ST6GALNAC5: variants seen among roughly 807,000 people sequenced by gnomAD.
ST6GALNAC5 encodes ST6 N-acetylgalactosaminide alpha-2,6-sialyltransferase 5, also known as alpha-N-acetylgalactosaminide alpha-2,6-sialyltransferase 5.
A neutral mutation model predicts 33.6 loss-of-function variants in ST6GALNAC5; 27 were observed. That is an observed-to-expected ratio of 0.80 (90% CI 0.59 to 1.11). The LOEUF (loss-of-function observed/expected upper bound fraction) is 1.11. Among genes scored for constraint, ST6GALNAC5 ranks in the 50% least tolerant of loss-of-function variants. ST6GALNAC5 has a pLI of 0.00. For synonymous variants in ST6GALNAC5, 194 were observed against 171.2 expected (o/e 1.13, Z -1.04); for missense variants, 428 against 454.0 (o/e 0.94, Z 0.52).
intron 2 of ST6GALNAC5, among the ~76,000 whole-genome samples, chr1:76,929,148 A>C (rs574655087): frequency 6.6e-6 from 1 of 152,218 alleles, no homozygotes; most frequent in African/African-American, 2.4e-5. Flanking sequence ...TCATGAAATA[A>C]TTCATTAGTC....
At chr1:76,956,278 A>G (rs1647973336) in intron 2 of ST6GALNAC5, among the ~76,000 whole-genome samples, 1 of 140,674 alleles carries the variant, frequency 7.1e-6, no homozygotes, top group East Asian at 2.0e-4. Flanking sequence ...CAAGATCCAG[A>G]AAAAAAAAAA....
chr1:76,973,944 C>T (rs1379075973), intron 2 of ST6GALNAC5, among the ~76,000 whole-genome samples: 12 of 152,022 alleles, frequency 7.9e-5, no homozygotes, highest in Non-Finnish European at 1.5e-4. Context: ...AACCAGACTG[C>T]TTTAATTATT....
At chr1:76,906,233 G>A (rs1002522396) in intron 2 of ST6GALNAC5, among the ~76,000 whole-genome samples, 7 of 152,116 alleles carry the variant, frequency 4.6e-5, no homozygotes, top group Admixed American at 1.3e-4. Flanking sequence ...CTTTCGAGAT[G>A]GAGAATATGA....
intron 2 of ST6GALNAC5, among the ~76,000 whole-genome samples, chr1:76,928,362 T>C (rs1230264968): frequency 6.6e-6 from 1 of 152,160 alleles, no homozygotes. Context: ...AATTGTGCTT[T>C]TGGAAGTGTG....
intron 2 of ST6GALNAC5, among the ~76,000 whole-genome samples, chr1:76,982,964 G>A (rs1166706267): frequency 6.6e-6 from 1 of 152,046 alleles, no homozygotes; most frequent in Non-Finnish European, 1.5e-5. Flanking sequence ...CAAATGCTGA[G>A]AGATTTTGTC....
At chr1:76,957,972 A>G (rs949318669) in intron 2 of ST6GALNAC5, among the ~76,000 whole-genome samples, 3 of 152,116 alleles carry the variant, frequency 2.0e-5, no homozygotes, top group African/African-American at 7.2e-5. Flanking sequence ...ATATTTTTGA[A>G]GAGTCCAAGC....
intron 2 of ST6GALNAC5, among the ~76,000 whole-genome samples, chr1:76,898,644 G>A (rs963457438): frequency 6.6e-6 from 1 of 152,098 alleles, no homozygotes; most frequent in African/African-American, 2.4e-5. Flanking sequence ...TGATTTGGGA[G>A]AGGTCAGATA....
chr1:77,008,770 T>A (rs926250098), intron 2 of ST6GALNAC5, among the ~76,000 whole-genome samples: 3 of 152,128 alleles, frequency 2.0e-5, no homozygotes, highest in African/African-American at 7.2e-5. Flanking sequence ...CCTCAGATGA[T>A]CCACCCGCCT....
chr1:76,992,684 T>A (rs1403214034), intron 2 of ST6GALNAC5, among the ~76,000 whole-genome samples: 3 of 152,044 alleles, frequency 2.0e-5, no homozygotes, highest in Non-Finnish European at 4.4e-5. Context: ...TTTGTAGAGA[T>A]GAATTTTCAC....
rs752127454 is a variant in ST6GALNAC5 at position 77,063,229 on chromosome 1, A to G, written c.*23A>G. ...TAAGGAATGAGCATGCCAGACTGTA[A>G]TCCCAGGTATTCACTGCATCAGACA... On this transcript the variant is annotated 3_prime_UTR_variant, in exon 5 of 5. Coordinates refer to ENST00000477717, the MANE Select transcript of ST6GALNAC5 (RefSeq NM_030965.3). 1 of 1,603,662 alleles carries G rather than the reference A, an allele frequency of 6.2e-7. No individual in the cohort carries two copies. Among genetic ancestry groups the G allele is most frequent in the Admixed American group, 1.7e-5 (1 of 59,910 alleles).
At chr1:76,907,368 A>G (rs1296668369) in intron 2 of ST6GALNAC5, among the ~76,000 whole-genome samples, 3 of 152,110 alleles carry the variant, frequency 2.0e-5, no homozygotes, top group Admixed American at 6.6e-5. Context: ...GCTTGGTGGC[A>G]GCAAGGGACA....
At chr1:76,906,836 A>G (rs1375752106) in intron 2 of ST6GALNAC5, among the ~76,000 whole-genome samples, 1 of 152,156 alleles carries the variant, frequency 6.6e-6, no homozygotes, top group Non-Finnish European at 1.5e-5. Context: ...TTATTTCAAC[A>G]TATTCAAAAT....
intron 4 of ST6GALNAC5, among the ~76,000 whole-genome samples, chr1:77,055,542 C>G (rs1426514559): frequency 6.6e-6 from 1 of 152,190 alleles, no homozygotes; most frequent in African/African-American, 2.4e-5. Flanking sequence ...AGACATGAAA[C>G]AGCTGCCCAT....
chr1:76,943,317 C>T (rs542773602), intron 2 of ST6GALNAC5, among the ~76,000 whole-genome samples: 3 of 152,068 alleles, frequency 2.0e-5, no homozygotes, highest in East Asian at 3.9e-4. Flanking sequence ...CAGTCTTTAC[C>T]ATTATGCTAG....
At chr1:77,010,826 A>G (rs1650607798) in intron 2 of ST6GALNAC5, among the ~76,000 whole-genome samples, 1 of 152,248 alleles carries the variant, frequency 6.6e-6, no homozygotes, top group Admixed American at 6.5e-5. Flanking sequence ...GACTATTTCT[A>G]AAAGCAGCTG....
intron 3 of ST6GALNAC5, among the ~76,000 whole-genome samples, chr1:77,048,321 AAGCTGTAAGTG>A (rs1398301749): frequency 6.6e-6 from 1 of 152,184 alleles, no homozygotes; most frequent in Admixed American, 6.5e-5. Context: ...TAGGCTCCTG[AAGCTGTAAGTG>A]AGCTGTCATC....
chr1:76,959,675 C>A (rs889509041), intron 2 of ST6GALNAC5, among the ~76,000 whole-genome samples: 2 of 152,178 alleles, frequency 1.3e-5, no homozygotes, highest in Non-Finnish European at 2.9e-5. Flanking sequence ...CAGAGTTTGT[C>A]AAGGACCAAC....
intron 4 of ST6GALNAC5, among the ~76,000 whole-genome samples, chr1:77,051,446 G>A (rs1402249102): frequency 1.3e-5 from 2 of 152,204 alleles, no homozygotes; most frequent in African/African-American, 4.8e-5. Flanking sequence ...CTGCACAGGT[G>A]TAAAGCCTGG....
At chr1:77,057,371 T>C (rs570493345) in intron 4 of ST6GALNAC5, among the ~76,000 whole-genome samples, 5 of 152,322 alleles carry the variant, frequency 3.3e-5, no homozygotes, top group South Asian at 4.1e-4. Flanking sequence ...GAGAAAAGCA[T>C]ACACATTTAT....
Sources: allele counts gnomAD v4.1 joint callset (sites outside exome capture counted in the v4.1 genomes callset), GRCh38; gene constraint gnomAD v4.1.1; transcripts MANE v1.5; gene names NCBI Gene and HGNC (gene_info 2026-07-23, HGNC 2026-07-21).